Variants in BFSP2 observed in about 807,000 individuals in gnomAD.
BFSP2 encodes phakinin.
A neutral mutation model predicts 44.9 loss-of-function variants in BFSP2; 38 were observed. The ratio of observed to expected loss-of-function variants is 0.85; its 90% CI spans 0.65 to 1.11. The LOEUF (loss-of-function observed/expected upper bound fraction) is 1.11, where lower values mean the gene tolerates loss of function less well. Among genes scored for constraint, BFSP2 ranks in the 50% least tolerant of loss-of-function variants. The probability of loss-of-function intolerance (pLI) is 0.00; values close to 1 mark genes in which losing one functional copy is unlikely to be tolerated. For missense variants in BFSP2, 525 were observed against 533.0 expected, an observed-to-expected ratio of 0.99 and a Z score of 0.15; for synonymous variants, 197 against 209.9, an observed-to-expected ratio of 0.94 and a Z score of 0.53.
chr3:133,434,278 G>A (rs146107602), intron 1 of BFSP2, among the ~76,000 whole-genome samples: 5,461 of 151,854 alleles, frequency 0.036, 317 homozygotes, highest in African/African-American at 0.13. Flanking sequence ...ATACAAAACC[G>A]TATCCAGGCC....
At chr3:133,459,279 G>A (rs568301249) in intron 4 of BFSP2, among the ~76,000 whole-genome samples, 6 of 152,278 alleles carry the variant, frequency 3.9e-5, no homozygotes, top group Non-Finnish European at 7.4e-5. Flanking sequence ...AGGAGGTCGA[G>A]GCTGCAGTGA....
chr3:133,471,559 C>T (rs1200166770), intron 5 of BFSP2, among the ~76,000 whole-genome samples: 1 of 152,154 alleles, frequency 6.6e-6, no homozygotes, highest in Non-Finnish European at 1.5e-5. Context: ...GTAAGAAGTT[C>T]AGTGGCAGGT....
At chr3:133,454,292 C>T (rs2073993178) in intron 4 of BFSP2, among the ~76,000 whole-genome samples, 1 of 152,188 alleles carries the variant, frequency 6.6e-6, no homozygotes, top group South Asian at 2.1e-4. Context: ...TGGATAGCCA[C>T]TCTACTCCAG....
Position 133,448,588 on chromosome 3 carries a change from G to T in BFSP2, c.672G>T (p.Glu224Asp), listed in dbSNP as rs1174544658. The T allele has an allele frequency of 2.5e-6, 4 of 1,614,020 alleles. No individual in the cohort carries two copies. The highest frequency in any genetic ancestry group is 3.4e-6 in the Non-Finnish European group (4 of 1,179,990). The stretch of plus-strand genomic sequence containing the variant: ...CTAATTTGACTAAAATGGACCTGGA[G>T]AGTCAAATAGAAAGTCTGAAAGAAG... ...DEANLTKMDL[E>D]SQIESLKEEL... The change falls in exon 3 of 7, where the codon GAG becomes GAT. Residue 224 changes from glutamate (E) to aspartate (D), a missense_variant. Physicochemically the swap from Glu to Asp is conservative, Grantham distance 45 (BLOSUM62 2). Coordinates refer to ENST00000302334, the MANE Select transcript of BFSP2 (RefSeq NM_003571.4).
chr3:133,427,816 G>A (rs535385317), intron 1 of BFSP2, among the ~76,000 whole-genome samples: 4 of 152,292 alleles, frequency 2.6e-5, no homozygotes, highest in South Asian at 4.1e-4. Flanking sequence ...TTTATTGCCC[G>A]TAAGTGTCCC....
chr3:133,450,833 C>T (rs1053158586), intron 4 of BFSP2, among the ~76,000 whole-genome samples: 5 of 152,062 alleles, frequency 3.3e-5, no homozygotes, highest in Non-Finnish European at 2.9e-5. Context: ...TAATTGAGGC[C>T]GGGCGTGGTA....
chr3:133,472,056 C>A (rs930577380), intron 5 of BFSP2, among the ~76,000 whole-genome samples: 17 of 152,198 alleles, frequency 1.1e-4, no homozygotes, highest in African/African-American at 3.9e-4. Context: ...TCTCCTCACA[C>A]CCCCTTTCTT....
At chr3:133,462,829 A>G (rs2074076215) in intron 4 of BFSP2, among the ~76,000 whole-genome samples, 1 of 152,228 alleles carries the variant, frequency 6.6e-6, no homozygotes, top group African/African-American at 2.4e-5. Flanking sequence ...ACTACAAAAA[A>G]TGCTTGATTA....
intron 6 of BFSP2, among the ~76,000 whole-genome samples, chr3:133,474,243 A>G (rs192626748): frequency 3.4e-3 from 524 of 152,330 alleles, no homozygotes; most frequent in Non-Finnish European, 6.2e-3. Flanking sequence ...CATATGTTGA[A>G]TAAGGAATAG....
At chr3:133,459,686 A>C (rs1433909011) in intron 4 of BFSP2, among the ~76,000 whole-genome samples, 1 of 152,198 alleles carries the variant, frequency 6.6e-6, no homozygotes, top group Non-Finnish European at 1.5e-5. Flanking sequence ...GCTAGTGCAG[A>C]CTGGATGGCA....
chr3:133,432,068 C>T (rs2073727354), intron 1 of BFSP2, among the ~76,000 whole-genome samples: 1 of 152,114 alleles, frequency 6.6e-6, no homozygotes, highest in African/African-American at 2.4e-5. Context: ...ATCACCATCC[C>T]ATTAAAACCT....
chr3:133,472,575 G>A lies in BFSP2; in HGVS notation c.1244+10G>A. The A allele has an allele frequency of 6.2e-7, 1 of 1,609,820 alleles. No individual in the cohort carries two copies. Among genetic ancestry groups the A allele is most frequent in the African/African-American group, 1.3e-5 (1 of 74,960 alleles). On this transcript the variant is annotated intron_variant, in intron 6 of 6. Transcript: ENST00000302334. Reference sequence around the variant, plus strand: ...ACAGGGAGGAGAGCGGGTAAGCCTCGCTTCCGCGTCAATTATCCAAGAGAT... The same window carrying A: ...ACAGGGAGGAGAGCGGGTAAGCCTCACTTCCGCGTCAATTATCCAAGAGAT...
At chr3:133,431,381 C>T (rs1399805952) in intron 1 of BFSP2, among the ~76,000 whole-genome samples, 2 of 152,184 alleles carry the variant, frequency 1.3e-5, no homozygotes, top group African/African-American at 4.8e-5. Flanking sequence ...TCCTCCAGAA[C>T]CTCCTCCCCC....
In BFSP2 at chr3:133,450,352, T is replaced by A. The variant is rs1490616313; in HGVS notation, c.779T>A (p.Met260Lys). The change falls in exon 4 of 7, where the codon ATG becomes AAG. Residue 260 changes from methionine (M) to lysine (K), a missense_variant. Coordinates refer to ENST00000302334, the MANE Select transcript of BFSP2 (RefSeq NM_003571.4). ...TTGGCAGGGTGTGAGCTGGAACAAA[T>A]GGATGCTCCCATTGGCACTGGTCTG... ...KQLAGCELEQMDAPIGTGLDD... is the reference protein window; with the variant it reads ...KQLAGCELEQKDAPIGTGLDD... 1 of 1,614,174 alleles carries A rather than the reference T, an allele frequency of 6.2e-7. No individual in the cohort carries two copies. The highest frequency in any genetic ancestry group is 1.7e-5 in the Admixed American group (1 of 60,030).
chr3:133,455,669 A>G (rs1264150626), intron 4 of BFSP2: 1 of 152,194 alleles, frequency 6.6e-6, no homozygotes, highest in Non-Finnish European at 1.5e-5. Flanking sequence ...GCCATCTTAG[A>G]ATTCTGCCTA....
intron 4 of BFSP2, among the ~76,000 whole-genome samples, chr3:133,462,055 A>C (rs2074068864): frequency 1.7e-5 from 1 of 60,346 alleles, no homozygotes; most frequent in Admixed American, 1.6e-4. Context: ...TTTTGCTTCC[A>C]TGGACCAGGC....
At chr3:133,401,520 T>C (rs1301640876) in intron 1 of BFSP2, among the ~76,000 whole-genome samples, 1 of 152,204 alleles carries the variant, frequency 6.6e-6, no homozygotes, top group African/African-American at 2.4e-5. Context: ...CTTTTCCCAC[T>C]CTCCAGGGTG....
chr3:133,450,202 T>A, intron 3 of BFSP2, 101 bp from the exon 4 acceptor site: 1 of 1,345,002 alleles, frequency 7.4e-7, no homozygotes, highest in Non-Finnish European at 1.0e-6. Context: ...AGTTGTGGAA[T>A]GAGAAAAGAA....
Position 133,469,177 on chromosome 3 carries a change from CCT to C in BFSP2, c.1023+2221_1023+2222del, listed in dbSNP as rs560900119. ...TATGCCCATAGCCCAGAACAGGCTG[CCT>C]CTGTTCCCTGCTGGTTCTAGTAGAT... On this transcript the variant is annotated intron_variant, in intron 5 of 6. Transcript: ENST00000302334. 7.0e-3 allele frequency among the ~76,000 whole-genome samples: 1,070 copies of C among 152,342 alleles called. 10 individuals are homozygous for C. The highest frequency in any genetic ancestry group is 9.4e-3 in the Non-Finnish European group (638 of 68,030).
Sources: gnomAD v4.1 joint callset for allele counts (sites outside exome capture counted in the v4.1 genomes callset) on GRCh38, gnomAD v4.1.1 for gene constraint, MANE v1.5 for transcripts, NCBI Gene and HGNC (gene_info 2026-07-23, HGNC 2026-07-21) for gene names.